Variants in GRIA3 observed in about 807,000 individuals in gnomAD.
GRIA3 encodes glutamate receptor 3.
A neutral mutation model predicts 63.0 loss-of-function variants in GRIA3; 3 were observed. The observed-to-expected ratio is 0.05, with a 90% CI of 0.02 to 0.12. GRIA3 has a LOEUF of 0.12. Among genes scored for constraint, GRIA3 ranks in the 10% least tolerant of loss-of-function variants. The pLI, the probability that GRIA3 is intolerant of heterozygous loss-of-function variation, is 1.00. For synonymous variants in GRIA3, 274 were observed against 257.9 expected (o/e 1.06, Z -0.60); for missense variants, 347 against 700.9 (o/e 0.50, Z 5.70).
At chrX:123,434,548 G>A (rs1281777316) in intron 12 of GRIA3, among the ~76,000 whole-genome samples, 3 of 111,496 alleles carry the variant, frequency 2.7e-5, no homozygotes, top group African/African-American at 9.8e-5. Context: ...TTTTGACATG[G>A]CTGTTTTGAT....
chrX:123,186,059 A>G, intron 2 of GRIA3, 69 bp downstream of exon 2: 15 of 918,429 alleles, frequency 1.6e-5, no homozygotes, highest in Non-Finnish European at 2.4e-5. Context: ...TGTGGCACTT[A>G]GGGTCTGTGT....
chrX:123,361,628 C>G (rs908233684), intron 5 of GRIA3, among the ~76,000 whole-genome samples: 2 of 111,522 alleles, frequency 1.8e-5, no homozygotes, highest in Non-Finnish European at 3.8e-5. Context: ...CTTAAAGTTG[C>G]GAACTCTGAG....
chrX:123,326,840 T>C (rs1260617412), intron 4 of GRIA3, among the ~76,000 whole-genome samples: 2 of 111,710 alleles, frequency 1.8e-5, no homozygotes, highest in Non-Finnish European at 3.8e-5. Flanking sequence ...CAAATATTCA[T>C]TTAAGACCCA....
At chrX:123,320,239 G>A (rs969278592) in intron 3 of GRIA3, among the ~76,000 whole-genome samples, 2 of 111,639 alleles carry the variant, frequency 1.8e-5, no homozygotes, top group African/African-American at 3.3e-5. Context: ...GTTAAACTCC[G>A]TAAGATCATC....
chrX:123,386,725 C>T (rs753181139), intron 5 of GRIA3, among the ~76,000 whole-genome samples: 1 of 111,921 alleles, frequency 8.9e-6, no homozygotes, highest in Admixed American at 9.5e-5. Flanking sequence ...GCCCTTTCCC[C>T]AGTGTATGTC....
intron 12 of GRIA3, among the ~76,000 whole-genome samples, chrX:123,464,302 C>A (rs1207954522): frequency 1.8e-5 from 2 of 111,095 alleles, no homozygotes; most frequent in Non-Finnish European, 3.8e-5. Context: ...TGCAAATGTA[C>A]CCCCTGTGTC....
At position 123,234,633 on chromosome X, in the gene GRIA3, C is replaced by T. The variant is rs190603304; in HGVS notation, c.269-18670C>T. 7.4e-4 allele frequency among the ~76,000 whole-genome samples: 83 copies of T among 111,726 alleles called. 1 individual carries two copies. Among genetic ancestry groups the T allele is most frequent in the African/African-American group, 2.6e-3 (80 of 30,817 alleles). ...TATCTGATCATTTTATACCTTGTGG[C>T]AACATATTGAGATCAGACCATTTCA... On this transcript the variant is annotated intron_variant, in intron 2 of 15. Coordinates refer to ENST00000620443, the MANE Select transcript of GRIA3 (RefSeq NM_007325.5).
At chrX:123,219,146 C>T (rs1262983752) in intron 2 of GRIA3, among the ~76,000 whole-genome samples, 1 of 110,313 alleles carries the variant, frequency 9.1e-6, no homozygotes, top group Admixed American at 9.6e-5. Context: ...AACCAGCTAA[C>T]AAAAAAAAAT....
Position 123,249,199 on chromosome X carries a change from C to T in GRIA3, c.269-4104C>T, listed in dbSNP as rs137925914. ...TCATAGTTTCTTTATGATAGGGAGA[C>T]ATCAGACCAGTGAAACTCTGTTCAA... On this transcript the variant is annotated intron_variant, in intron 2 of 15. Transcript: ENST00000620443. 4.9e-3 allele frequency among the ~76,000 whole-genome samples: 549 copies of T among 112,277 alleles called. 4 individuals are homozygous for T. Among genetic ancestry groups the T allele is most frequent in the African/African-American group, 0.017 (533 of 30,832 alleles).
intron 3 of GRIA3, among the ~76,000 whole-genome samples, chrX:123,273,150 G>A (rs190873632): frequency 2.3e-4 from 26 of 111,351 alleles, no homozygotes; most frequent in East Asian, 1.1e-3. Context: ...TGGGCCCTTC[G>A]TCCCCACCAC....
At chrX:123,463,551 G>A (rs975151264) in intron 12 of GRIA3, among the ~76,000 whole-genome samples, 7 of 9,788 alleles carry the variant, frequency 7.2e-4, no homozygotes, top group Non-Finnish European at 1.1e-3. Context: ...CGAAAGAAGC[G>A]AAGGAAGGAA....
chrX:123,434,332 C>T (rs957547109), intron 12 of GRIA3, among the ~76,000 whole-genome samples: 14 of 111,542 alleles, frequency 1.3e-4, no homozygotes, highest in African/African-American at 4.6e-4. Context: ...TCTTAACAGA[C>T]AATATACCTG....
chrX:123,225,260 T>C (rs1419037880), intron 2 of GRIA3, among the ~76,000 whole-genome samples: 1 of 112,212 alleles, frequency 8.9e-6, no homozygotes, highest in Non-Finnish European at 1.9e-5. Flanking sequence ...ACACCTATAG[T>C]GCCTGACACA....
chrX:123,249,147 T>C (rs926097981), intron 2 of GRIA3, among the ~76,000 whole-genome samples: 4 of 112,068 alleles, frequency 3.6e-5, no homozygotes, highest in African/African-American at 1.3e-4. Context: ...TTGTGTGACC[T>C]TGTGTAAGAC....
chrX:123,238,258 G>C (rs189274247), intron 2 of GRIA3, among the ~76,000 whole-genome samples: 1 of 111,383 alleles, frequency 9.0e-6, no homozygotes, highest in Non-Finnish European at 1.9e-5. Context: ...AAATCCCATC[G>C]GCTTCCATCC....
chrX:123,340,444 A>G (rs1189301742), intron 4 of GRIA3, among the ~76,000 whole-genome samples: 2 of 112,086 alleles, frequency 1.8e-5, no homozygotes, highest in Non-Finnish European at 3.8e-5. Flanking sequence ...TGGGATGGTA[A>G]GACATGTGCC....
At chrX:123,366,558 G>A (rs1476012610) in intron 5 of GRIA3, among the ~76,000 whole-genome samples, 1 of 111,851 alleles carries the variant, frequency 8.9e-6, no homozygotes, top group East Asian at 2.8e-4. Context: ...TTCAATTTAA[G>A]AGAACATTGA....
intron 3 of GRIA3, among the ~76,000 whole-genome samples, chrX:123,296,349 A>G (rs2044685579): frequency 9.0e-6 from 1 of 111,242 alleles, no homozygotes; most frequent in East Asian, 2.8e-4. Flanking sequence ...CATATGCAAA[A>G]AAAAGTCTAG....
chrX:123,412,500 C>T (rs1464538338), intron 10 of GRIA3, among the ~76,000 whole-genome samples: 1 of 111,942 alleles, frequency 8.9e-6, no homozygotes, highest in Non-Finnish European at 1.9e-5. Flanking sequence ...AGAAAACTTA[C>T]ATGCGGCCAA....
Sources: gnomAD v4.1 joint callset for allele counts (sites outside exome capture counted in the v4.1 genomes callset) on GRCh38, gnomAD v4.1.1 for gene constraint, MANE v1.5 for transcripts, NCBI Gene and HGNC (gene_info 2026-07-23, HGNC 2026-07-21) for gene names.